CDON: variants seen among roughly 807,000 people sequenced by gnomAD.
CDON encodes cell adhesion molecule-related/down-regulated by oncogenes.
A neutral mutation model predicts 120.9 loss-of-function variants in CDON; 73 were observed. The observed-to-expected ratio is 0.60, with a 90% CI of 0.50 to 0.73. CDON has a LOEUF of 0.73. Ranked by LOEUF, CDON falls within the 30% of genes least tolerant of loss-of-function variation. The pLI is 0.00. For missense variants in CDON, 1,470 were observed against 1,587.3 expected (o/e 0.93, Z 1.26); for synonymous variants, 566 against 573.5 (o/e 0.99, Z 0.19).
At chr11:126,000,875 T>C (rs973306377) in intron 11 of CDON, among the ~76,000 whole-genome samples, 5 of 152,190 alleles carry the variant, frequency 3.3e-5, no homozygotes, top group African/African-American at 1.2e-4. Context: ...AAGTCTTCCC[T>C]AGATGTCCTG....
chr11:125,984,127 A>T (rs1437247322), intron 15 of CDON, 34 bp from the exon 16 acceptor site: 2 of 1,400,934 alleles, frequency 1.4e-6, no homozygotes, highest in African/African-American at 2.8e-5. Context: ...ATGATGTCAG[A>T]GTGAATACAG....
intron 2 of CDON, 149 bp downstream of exon 2, chr11:126,023,252 C>G: frequency 1.3e-6 from 1 of 764,614 alleles, no homozygotes; most frequent in Admixed American, 1.8e-5. Context: ...CTTAATTTAT[C>G]GAGTTTTTAA....
Position 126,007,918 on chromosome 11 carries a change from C to T in CDON, c.1553-1861G>A, listed in dbSNP as rs118069723. On this transcript the variant is annotated intron_variant, in intron 8 of 19. Coordinates refer to ENST00000531738, the MANE Select transcript of CDON (RefSeq NM_001378964.1). Reference sequence around the variant, plus strand: ...TCAGAACTCTATGAAATGGGTAGAACAGGCATCTAGCATCTTTTAAGGTAG... The same window carrying T: ...TCAGAACTCTATGAAATGGGTAGAATAGGCATCTAGCATCTTTTAAGGTAG... Among the ~76,000 whole-genome samples the T allele has an allele frequency of 4.5e-3, 690 of 152,284 alleles. 4 individuals carry two copies. The highest frequency in any genetic ancestry group is 7.9e-3 in the Admixed American group (121 of 15,298).
chr11:125,997,460 A>G (rs944509011), intron 11 of CDON, 50 bp from the exon 12 acceptor site: 3 of 1,329,596 alleles, frequency 2.3e-6, no homozygotes, highest in Admixed American at 3.8e-5. Context: ...AGAGACAAGA[A>G]TAACATAGTT....
At chr11:126,042,104 G>A (rs1009417941) in intron 1 of CDON, among the ~76,000 whole-genome samples, 3 of 152,178 alleles carry the variant, frequency 2.0e-5, no homozygotes, top group South Asian at 2.1e-4. Flanking sequence ...GGCTTGTCTC[G>A]AACTCCCGAC....
At chr11:126,050,017 G>A (rs544912678) in intron 1 of CDON, among the ~76,000 whole-genome samples, 6 of 152,186 alleles carry the variant, frequency 3.9e-5, no homozygotes, top group African/African-American at 1.2e-4. Context: ...AAAGAAAAGC[G>A]TTAAAAAGCA....
At chr11:126,055,663 G>C (rs1948664003) in intron 1 of CDON, among the ~76,000 whole-genome samples, 1 of 152,118 alleles carries the variant, frequency 6.6e-6, no homozygotes, top group South Asian at 2.1e-4. Flanking sequence ...AGGGACAAGA[G>C]GGACATTTAT....
At chr11:126,045,036 TAG>T (rs10588225) in intron 1 of CDON, among the ~76,000 whole-genome samples, 6 of 142,818 alleles carry the variant, frequency 4.2e-5, no homozygotes, top group African/African-American at 1.6e-4. Context: ...AATATATATA[TAG>T]AGAGAGAGAC....
chr11:125,966,382 G>T (rs1190921474), intron 18 of CDON, among the ~76,000 whole-genome samples: 1 of 152,188 alleles, frequency 6.6e-6, no homozygotes, highest in African/African-American at 2.4e-5. Flanking sequence ...ATAAGAGCAT[G>T]CTGGGCACAG....
chr11:126,039,882 A>C (rs533424149), intron 1 of CDON, among the ~76,000 whole-genome samples: 42 of 152,292 alleles, frequency 2.8e-4, no homozygotes, highest in Admixed American at 1.7e-3. Flanking sequence ...TATCACAAGC[A>C]GCCCTACATT....
chr11:125,964,512 C>G (rs943313932), intron 18 of CDON, among the ~76,000 whole-genome samples: 1 of 152,062 alleles, frequency 6.6e-6, no homozygotes, highest in African/African-American at 2.4e-5. Flanking sequence ...GGGAAAACAT[C>G]TTCCAGAAAC....
chr11:125,993,015 T>C (rs77681037), intron 14 of CDON, among the ~76,000 whole-genome samples: 3,652 of 152,308 alleles, frequency 0.024, 141 homozygotes, highest in African/African-American at 0.081. Context: ...AGTTTACGAC[T>C]TTGTGGGGGA....
chr11:126,056,835 T>C (rs565691150), intron 1 of CDON, among the ~76,000 whole-genome samples: 1 of 152,218 alleles, frequency 6.6e-6, no homozygotes, highest in African/African-American at 2.4e-5. Context: ...CAGTATAACA[T>C]CCTAGCTCCA....
chr11:126,003,316 T>A (rs1947010485), intron 10 of CDON, among the ~76,000 whole-genome samples: 1 of 152,220 alleles, frequency 6.6e-6, no homozygotes, highest in South Asian at 2.1e-4. Flanking sequence ...TATCAAAGTA[T>A]AAGCTCTGTC....
At position 126,010,610 on chromosome 11, in the gene CDON, G is replaced by A. The variant is rs571245166; in HGVS notation, c.1283C>T (p.Ala428Val). ...AATGACCGGAACCGGCAGCCCACTGGCATTGCAGGACAGAGTAACAAAGTC... is the reference window on the plus strand; with the variant it reads ...AATGACCGGAACCGGCAGCCCACTGACATTGCAGGACAGAGTAACAAAGTC... Reference protein sequence around the residue: ...DGDFVTLSCNASGLPVPVIRW... With the variant: ...DGDFVTLSCNVSGLPVPVIRW... The change falls in exon 8 of 20, where the codon GCC becomes GTC. Residue 428 changes from alanine to valine, a missense_variant. Ala to Val is a moderately conservative substitution (Grantham distance 64). Transcript: ENST00000531738. 5.6e-6 allele frequency: 9 copies of A among 1,614,122 alleles called. No homozygotes were observed. In the African/African-American group the frequency reaches 1.1e-4, roughly 19 times the overall value.
intron 1 of CDON, among the ~76,000 whole-genome samples, chr11:126,035,837 A>G (rs1038564482): frequency 1.3e-5 from 2 of 152,284 alleles, no homozygotes; most frequent in Non-Finnish European, 2.9e-5. Context: ...AACATAACAC[A>G]ACATAGCATG....
Position 126,010,869 on chromosome 11 carries a change from T to G in CDON, c.1199-175A>C, listed in dbSNP as rs369023549. ...GTAAGACTGTCAATAAATGGTAGAGTTGTTTCATAGCTGTGGGCTCCTAAA... is the reference window on the plus strand; with the variant it reads ...GTAAGACTGTCAATAAATGGTAGAGGTGTTTCATAGCTGTGGGCTCCTAAA... On this transcript the variant is annotated intron_variant, in intron 7 of 19. Transcript: ENST00000531738. 1.8e-5 allele frequency: 12 copies of G among 670,894 alleles called. No homozygotes were observed. In the African/African-American group the frequency reaches 1.9e-4, roughly 11 times the overall value. 41.6% of individuals were successfully genotyped at this position (670,894 alleles called of 1,614,324 possible).
chr11:125,961,864 G>T lies in CDON; in HGVS notation c.3491C>A (p.Ala1164Glu), dbSNP rs1270157464. The T allele has an allele frequency of 6.2e-7, 1 of 1,614,088 alleles. No homozygotes were observed. The highest frequency in any genetic ancestry group is 1.3e-5 in the African/African-American group (1 of 74,924). ...HVKVPVCLTSAVPDCGQLPEE... is the reference protein window; with the variant it reads ...HVKVPVCLTSEVPDCGQLPEE... ...CGGCAACTGGCCACAATCAGGGACT[G>T]CGGAAGTCAGGCATACAGGCACCTT... The change falls in exon 19 of 20, where the codon GCA becomes GAA. Residue 1164 changes from alanine to glutamate, a missense_variant. Transcript: ENST00000531738.
rs559397179 is a variant in CDON, at chr11:126,004,478, G to C, written c.1852-402C>G. The stretch of plus-strand genomic sequence containing the variant: ...ACATAATAGATACATGGTAAATTAA[G>C]ACAATATTATATTATGTTATATGTA... On this transcript the variant is annotated intron_variant, in intron 9 of 19. Coordinates refer to ENST00000531738, the MANE Select transcript of CDON (RefSeq NM_001378964.1). 854 of 205,692 alleles carry C rather than the reference G, an allele frequency of 4.2e-3. 6 individuals are homozygous for C. Among genetic ancestry groups the C allele is most frequent in the Non-Finnish European group, 6.2e-3 (639 of 102,550 alleles). The allele number at this position is 205,692 out of a possible 1,614,324, so 12.7% of individuals were successfully genotyped here.
Sources: gnomAD v4.1 joint callset for allele counts (sites outside exome capture counted in the v4.1 genomes callset) on GRCh38, gnomAD v4.1.1 for gene constraint, MANE v1.5 for transcripts, NCBI Gene and HGNC (gene_info 2026-07-23, HGNC 2026-07-21) for gene names.